Variants in CDADC1 observed in about 807,000 individuals in gnomAD.
CDADC1 encodes dCTP deaminase.
A neutral mutation model predicts 54.9 loss-of-function variants in CDADC1; 39 were observed. The observed-to-expected ratio is 0.71, with a 90% CI of 0.55 to 0.93. The LOEUF (loss-of-function observed/expected upper bound fraction) is 0.93. Among genes scored for constraint, CDADC1 ranks in the 40% least tolerant of loss-of-function variants. The pLI, the probability that CDADC1 is intolerant of heterozygous loss-of-function variation, is 0.00. For missense variants in CDADC1, 518 were observed against 618.8 expected (o/e 0.84, Z 1.73); for synonymous variants, 186 against 204.0 (o/e 0.91, Z 0.75).
chr13:49,250,191 T>TC (rs1566349228), intron 2 of CDADC1, among the ~76,000 whole-genome samples: 1 of 152,218 alleles, frequency 6.6e-6, no homozygotes, highest in Non-Finnish European at 1.5e-5. Context: ...TTGCCCATAA[T>TC]TCTGCTGAAA....
intron 4 of CDADC1, among the ~76,000 whole-genome samples, chr13:49,262,356 C>T (rs1952706183): frequency 1.3e-5 from 2 of 151,852 alleles, no homozygotes; most frequent in South Asian, 2.1e-4. Context: ...GGTGGGAGGA[C>T]CACTGGAGCC....
chr13:49,248,367 T>C, intron 1 of CDADC1: 1 of 457,286 alleles, frequency 2.2e-6, no homozygotes, highest in South Asian at 4.0e-5. Flanking sequence ...CTGGGGCCTC[T>C]GAGGTCAAAG....
chr13:49,286,964 G>T (rs1953530327), intron 9 of CDADC1, among the ~76,000 whole-genome samples: 1 of 152,224 alleles, frequency 6.6e-6, no homozygotes, highest in Admixed American at 6.5e-5. Context: ...GCCAAGGCAG[G>T]GGGATCACTT....
At chr13:49,255,978 A>G (rs1235442575) in intron 3 of CDADC1, 65 bp downstream of exon 3, 4 of 1,542,390 alleles carry the variant, frequency 2.6e-6, no homozygotes, top group East Asian at 2.3e-5. Context: ...AGTATAAAGT[A>G]GAATAAAAGT....
intron 3 of CDADC1, among the ~76,000 whole-genome samples, chr13:49,256,268 C>CA (rs1952545991): frequency 6.6e-6 from 1 of 152,196 alleles, no homozygotes; most frequent in Non-Finnish European, 1.5e-5. Context: ...GGTCATTTCT[C>CA]AGAGTTGTGT....
chr13:49,254,676 C>G (rs1293472018), intron 2 of CDADC1, among the ~76,000 whole-genome samples: 2 of 152,216 alleles, frequency 1.3e-5, no homozygotes, highest in African/African-American at 4.8e-5. Context: ...GCTGGGATTA[C>G]AGGTGTGAGC....
intron 3 of CDADC1, among the ~76,000 whole-genome samples, chr13:49,257,718 T>C (rs1952579759): frequency 6.6e-6 from 1 of 152,084 alleles, no homozygotes; most frequent in East Asian, 1.9e-4. Flanking sequence ...GCCGAGATAG[T>C]GCCACTGCAC....
chr13:49,253,807 G>A (rs1213997616), intron 2 of CDADC1, among the ~76,000 whole-genome samples: 2 of 152,010 alleles, frequency 1.3e-5, no homozygotes, highest in African/African-American at 2.4e-5. Context: ...TCAGCCTCCC[G>A]AAGTGGTAGG....
At chr13:49,268,783 A>G (rs1436318445) in intron 5 of CDADC1, among the ~76,000 whole-genome samples, 1 of 152,256 alleles carries the variant, frequency 6.6e-6, no homozygotes, top group African/African-American at 2.4e-5. Context: ...ATTCAAAATA[A>G]CTAATAGAAT....
At chr13:49,266,976 C>T (rs750155089) in intron 4 of CDADC1, among the ~76,000 whole-genome samples, 4 of 152,152 alleles carry the variant, frequency 2.6e-5, no homozygotes, top group Non-Finnish European at 4.4e-5. Context: ...GCTTTGGGAT[C>T]ACACTTCACA....
chr13:49,274,232 A>G (rs991144404), intron 5 of CDADC1, 59 bp from the exon 6 acceptor site: 54 of 1,334,124 alleles, frequency 4.0e-5, no homozygotes, highest in Non-Finnish European at 5.6e-5. Flanking sequence ...TTGGAAAAAT[A>G]TATTTCTAAA....
At chr13:49,257,620 A>G (rs1952576190) in intron 3 of CDADC1, among the ~76,000 whole-genome samples, 1 of 152,204 alleles carries the variant, frequency 6.6e-6, no homozygotes, top group Non-Finnish European at 1.5e-5. Context: ...AATGCAAAAA[A>G]TTAGCCGGGC....
intron 7 of CDADC1, among the ~76,000 whole-genome samples, chr13:49,280,236 A>G (rs1200600682): frequency 6.6e-6 from 1 of 152,008 alleles, no homozygotes; most frequent in Non-Finnish European, 1.5e-5. Flanking sequence ...GATTTCATTT[A>G]TTTTGTAATC....
At chr13:49,250,487 G>A (rs1593782437) in intron 2 of CDADC1, among the ~76,000 whole-genome samples, 2 of 152,286 alleles carry the variant, frequency 1.3e-5, no homozygotes, top group East Asian at 1.9e-4. Context: ...CACAGAGAAG[G>A]TCGTATTTGC....
At chr13:49,250,256 T>A (rs1952394212) in intron 2 of CDADC1, among the ~76,000 whole-genome samples, 1 of 152,232 alleles carries the variant, frequency 6.6e-6, no homozygotes, top group African/African-American at 2.4e-5. Flanking sequence ...CCCACAGTAC[T>A]CTTAGGAGAC....
At chr13:49,273,318 A>C (rs1301843136) in intron 5 of CDADC1, among the ~76,000 whole-genome samples, 1 of 152,284 alleles carries the variant, frequency 6.6e-6, no homozygotes, top group East Asian at 1.9e-4. Context: ...AAAATGCCTT[A>C]GGGTAAGTTC....
intron 4 of CDADC1, among the ~76,000 whole-genome samples, chr13:49,266,996 A>G (rs1274384232): frequency 6.6e-6 from 1 of 152,092 alleles, no homozygotes; most frequent in African/African-American, 2.4e-5. Context: ...AACACCAGTA[A>G]CTCCACAAAT....
chr13:49,251,692 T>C (rs768400948), intron 2 of CDADC1, among the ~76,000 whole-genome samples: 2 of 152,222 alleles, frequency 1.3e-5, no homozygotes, highest in Non-Finnish European at 2.9e-5. Flanking sequence ...TTCCTCATAC[T>C]ATATAGAGAA....
At chr13:49,282,662 A>G (rs1953383372) in intron 8 of CDADC1, among the ~76,000 whole-genome samples, 1 of 152,228 alleles carries the variant, frequency 6.6e-6, no homozygotes, top group South Asian at 2.1e-4. Context: ...CTTATATAGC[A>G]GGTTTCCCCA....
Sources: gnomAD v4.1 joint callset for allele counts (sites outside exome capture counted in the v4.1 genomes callset) on GRCh38, gnomAD v4.1.1 for gene constraint, MANE v1.5 for transcripts, NCBI Gene and HGNC (gene_info 2026-07-23, HGNC 2026-07-21) for gene names.